The following FBLN1 variants were observed in gnomAD, a reference collection of about 807,000 sequenced individuals.
FBLN1 encodes fibulin 1.
A neutral mutation model predicts 89.7 loss-of-function variants in FBLN1; 34 were observed. That is an observed-to-expected ratio of 0.38 (90% CI 0.29 to 0.50). The LOEUF is 0.50. Among genes scored for constraint, FBLN1 ranks in the 20% least tolerant of loss-of-function variants. The pLI, the probability that FBLN1 is intolerant of heterozygous loss-of-function variation, is 0.92. For missense variants in FBLN1, 777 were observed against 988.1 expected, an observed-to-expected ratio of 0.79 and a Z score of 2.86; for synonymous variants, 393 against 391.3, an observed-to-expected ratio of 1.00 and a Z score of -0.05.
intron 12 of FBLN1, among the ~76,000 whole-genome samples, chr22:45,547,640 TC>T (rs1665901924): frequency 6.6e-6 from 1 of 152,008 alleles, no homozygotes; most frequent in African/African-American, 2.4e-5. Flanking sequence ...GCTCAAGTGA[TC>T]CTCTTGCTTC....
intron 8 of FBLN1, among the ~76,000 whole-genome samples, chr22:45,540,349 G>C (rs913460357): frequency 3.3e-5 from 5 of 152,196 alleles, no homozygotes; most frequent in Non-Finnish European, 5.9e-5. Context: ...GGATGTAAAA[G>C]CTTTTGTAAA....
Position 45,556,197 on chromosome 22 carries a change from T to C in FBLN1, c.1697+5582T>C, listed in dbSNP as rs1346107239. Among the ~76,000 whole-genome samples, 3 of 152,220 alleles carry C rather than the reference T, an allele frequency of 2.0e-5. No individual in the cohort carries two copies. Among genetic ancestry groups the C allele is most frequent in the Admixed American group, 1.3e-4 (2 of 15,290 alleles). ...TTTAAGTAGAGATGGGGTTTCACCA[T>C]GTGGGTCAGGCTGGTCTTGAGCTCC... On this transcript the variant is annotated intron_variant, in intron 14 of 16. Transcript: ENST00000327858. This position sits in a 1 kb window ranked among gnomAD's most constrained non-coding sequence, Gnocchi z 4.6.
chr22:45,571,278 A>G (rs2088951855), intron 14 of FBLN1, among the ~76,000 whole-genome samples: 1 of 152,170 alleles, frequency 6.6e-6, no homozygotes, highest in Admixed American at 6.6e-5. Context: ...CATATTAAGG[A>G]CTCTCAAGAA....
intron 16 of FBLN1, among the ~76,000 whole-genome samples, chr22:45,585,825 A>G (rs1034095182): frequency 5.3e-5 from 8 of 152,124 alleles, no homozygotes; most frequent in African/African-American, 1.9e-4. Flanking sequence ...CCCATGGGGC[A>G]GAGATGGGCT....
intron 1 of FBLN1, among the ~76,000 whole-genome samples, chr22:45,507,629 A>G (rs2088040361): frequency 6.6e-6 from 1 of 151,840 alleles, no homozygotes; most frequent in Non-Finnish European, 1.5e-5. Flanking sequence ...CTGTATTCAA[A>G]CCATTCTCCT....
chr22:45,580,205 AC>A lies in FBLN1; in HGVS notation c.1972+3100del, dbSNP rs1226053201. 6.6e-6 allele frequency among the ~76,000 whole-genome samples: 1 copy of A among 151,984 alleles called. No homozygotes were observed. Among genetic ancestry groups the A allele is most frequent in the Admixed American group, 6.6e-5 (1 of 15,258 alleles). ...ATTTCAAGCAGTGACTTAGGCAGAA[AC>A]CCTTCATGGTGGTGGAGAGGAAGAA... On this transcript the variant is annotated intron_variant, in intron 16 of 16. Transcript: ENST00000327858. The surrounding 1 kb of genome is among the most constrained non-coding windows in gnomAD (Gnocchi z 8.6).
intron 16 of FBLN1, among the ~76,000 whole-genome samples, chr22:45,585,859 T>C (rs1443959442): frequency 2.0e-5 from 3 of 152,126 alleles, no homozygotes; most frequent in Non-Finnish European, 2.9e-5. Flanking sequence ...GCCTGTGCCC[T>C]GTGTGACGGC....
chr22:45,510,928 C>G (rs1046021895), intron 1 of FBLN1, among the ~76,000 whole-genome samples: 1 of 152,200 alleles, frequency 6.6e-6, no homozygotes, highest in African/African-American at 2.4e-5. Flanking sequence ...GCACCAGTTA[C>G]TCCGGCAGGC....
chr22:45,545,895 C>T lies in FBLN1; in HGVS notation c.1322-1190C>T, dbSNP rs1167566085. ...GGGCACAGTGGCTCACACCTGTAAT[C>T]CCAGCACTTTGGGAGGCTGAGGCAG... On this transcript the variant is annotated intron_variant, in intron 11 of 16. Transcript: ENST00000327858. This position sits in a 1 kb window ranked among gnomAD's most constrained non-coding sequence, Gnocchi z 5.9. 6.6e-6 allele frequency among the ~76,000 whole-genome samples: 1 copy of T among 152,176 alleles called. No individual in the cohort carries two copies. The highest frequency in any genetic ancestry group is 1.5e-5 in the Non-Finnish European group (1 of 68,026).
chr22:45,555,248 C>CATATATATATATATATATATAT (rs71779159), intron 14 of FBLN1, among the ~76,000 whole-genome samples: 22 of 135,096 alleles, frequency 1.6e-4, no homozygotes, highest in South Asian at 1.6e-3. Context: ...ATGGAATATA[C>CATATATATATATATATATATAT]ATATATATAT....
intron 1 of FBLN1, among the ~76,000 whole-genome samples, chr22:45,504,593 T>C (rs532558160): frequency 6.6e-6 from 1 of 152,234 alleles, no homozygotes; most frequent in African/African-American, 2.4e-5. Flanking sequence ...GAGGCCCCGA[T>C]TGTGTCGATG....
At position 45,548,872 on chromosome 22, in the gene FBLN1, C is replaced by G. The variant is rs1007475230; in HGVS notation, c.1573+128C>G. The G allele has an allele frequency of 2.8e-6, 4 of 1,450,972 alleles. No individual in the cohort carries two copies. The Admixed American group carries it at 7.8e-5, about 28-fold the overall frequency. The allele number at this position is 1,450,972 out of a possible 1,614,324, so 89.9% of individuals were successfully genotyped here. ...GGCCACAGCACAGATGGAATGCATT[C>G]AGGAAAAGGAGGCCCACCCCATCCA... On this transcript the variant is annotated intron_variant, in intron 13 of 16. Transcript: ENST00000327858.
At chr22:45,548,500 C>T (rs2088659612) in intron 12 of FBLN1, 113 bp from the exon 13 acceptor site, 5 of 1,432,124 alleles carry the variant, frequency 3.5e-6, no homozygotes, top group Non-Finnish European at 3.8e-6. Flanking sequence ...TTCAGCTTGT[C>T]CTGTGCTGCT....
chr22:45,565,018 G>T, intron 14 of FBLN1: 1 of 1,612,920 alleles, frequency 6.2e-7, no homozygotes, highest in Non-Finnish European at 8.5e-7. Flanking sequence ...TGGACAGACA[G>T]TCAGCTCCAC....
intron 16 of FBLN1, among the ~76,000 whole-genome samples, chr22:45,596,952 T>C (rs2089192774): frequency 1.3e-5 from 2 of 150,176 alleles, no homozygotes; most frequent in African/African-American, 2.4e-5. Flanking sequence ...ATAATAGTTA[T>C]ATATCATATA....
intron 9 of FBLN1, 114 bp downstream of exon 9, chr22:45,541,486 C>A: frequency 1.5e-6 from 2 of 1,330,052 alleles, no homozygotes; most frequent in African/African-American, 1.4e-5. Flanking sequence ...TTCTATCAGC[C>A]CATCCATCCC....
intron 16 of FBLN1, among the ~76,000 whole-genome samples, chr22:45,596,630 TATA>T (rs946881813): frequency 6.7e-5 from 10 of 148,212 alleles, no homozygotes; most frequent in Admixed American, 2.7e-4. Context: ...AACATAATAA[TATA>T]ATTATATACA....
In FBLN1 at chr22:45,550,502, G is replaced by C; in HGVS notation, c.1584G>C (p.Glu528Asp). ...TGGGGTCTCTTGCAGACATTGATGAGTGTGTGACTGGCATCCACAACTGCT... is the reference window on the plus strand; with the variant it reads ...TGGGGTCTCTTGCAGACATTGATGACTGTGTGACTGGCATCCACAACTGCT... ...PNGRNCQDID[E>D]CVTGIHNCSI... is the part of the protein sequence containing the mutation. The change falls in exon 14 of 17, where the codon GAG becomes GAC. Residue 528 changes from glutamate (E) to aspartate (D), a missense_variant. Transcript: ENST00000327858. This position sits in a 1 kb window ranked among gnomAD's most constrained non-coding sequence, Gnocchi z 8.4. 5 of 1,614,048 alleles carry C rather than the reference G, an allele frequency of 3.1e-6. No individual in the cohort carries two copies. Among genetic ancestry groups the C allele is most frequent in the Non-Finnish European group, 4.2e-6 (5 of 1,180,036 alleles).
At chr22:45,529,418 T>A (rs900354205) in intron 4 of FBLN1, among the ~76,000 whole-genome samples, 1 of 152,246 alleles carries the variant, frequency 6.6e-6, no homozygotes, top group African/African-American at 2.4e-5. Context: ...ACTTTGTGGC[T>A]GTCCAGTAGC....
Sources: allele counts gnomAD v4.1 joint callset (sites outside exome capture counted in the v4.1 genomes callset), GRCh38; gene constraint gnomAD v4.1.1; non-coding constraint Gnocchi (gnomAD v3.1); transcripts MANE v1.5; gene names NCBI Gene and HGNC (gene_info 2026-07-23, HGNC 2026-07-21).